Variants in PLXNA2 observed in about 807,000 individuals in gnomAD.
PLXNA2 encodes plexin A2, also known as plexin-A2.
A neutral mutation model predicts 193.5 loss-of-function variants in PLXNA2; 91 were observed. The observed-to-expected ratio is 0.47, with a 90% confidence interval of 0.40 to 0.56. The LOEUF (loss-of-function observed/expected upper bound fraction) is 0.56. Among genes scored for constraint, PLXNA2 ranks in the 20% least tolerant of loss-of-function variants. The pLI is 0.00. For missense variants in PLXNA2, 1,995 were observed against 2,503.2 expected, an observed-to-expected ratio of 0.80 and a Z score of 4.33; for synonymous variants, 997 against 1,027.3, an observed-to-expected ratio of 0.97 and a Z score of 0.56.
chr1:208,078,338 C>T (rs181744933), intron 12 of PLXNA2, among the ~76,000 whole-genome samples: 62 of 152,300 alleles, frequency 4.1e-4, no homozygotes, highest in South Asian at 1.0e-3. Context: ...ATCATAGAGA[C>T]GTTCTAGAAG....
In PLXNA2 at chr1:208,229,061, T is replaced by C. The variant is rs555530118; in HGVS notation, c.-80-11059A>G. Among the ~76,000 whole-genome samples, 8 of 152,330 alleles carry C rather than the reference T, an allele frequency of 5.3e-5. No individual in the cohort carries two copies. In the South Asian group the frequency reaches 6.2e-4, roughly 12 times the overall value. On this transcript the variant is annotated intron_variant, in intron 1 of 31. Coordinates refer to ENST00000367033, the MANE Select transcript of PLXNA2 (RefSeq NM_025179.4). ...TGAGGAGGAGGAGAAGATGCTGAGA[T>C]ACCAGCTCCTTAGGCTCAGCCCCGC...
intron 3 of PLXNA2, among the ~76,000 whole-genome samples, chr1:208,148,803 G>GA: frequency 6.6e-6 from 1 of 152,340 alleles, no homozygotes; most frequent in East Asian, 1.9e-4. Flanking sequence ...CACCTGGCCT[G>GA]AAGGAGGCCC....
chr1:208,103,102 G>A (rs1483694648), intron 5 of PLXNA2, 45 bp downstream of exon 5: 5 of 1,349,728 alleles, frequency 3.7e-6, no homozygotes, highest in East Asian at 4.6e-5. Context: ...GGAAAGCCCC[G>A]GTCTTCTGCA....
intron 4 of PLXNA2, among the ~76,000 whole-genome samples, chr1:208,104,354 G>C (rs1428976058): frequency 6.6e-6 from 1 of 152,216 alleles, no homozygotes; most frequent in Non-Finnish European, 1.5e-5. Flanking sequence ...TGGAGCTCTG[G>C]TGCTATGCAA....
intron 12 of PLXNA2, among the ~76,000 whole-genome samples, chr1:208,075,483 G>T (rs1415010431): frequency 6.6e-6 from 1 of 152,056 alleles, no homozygotes; most frequent in African/African-American, 2.4e-5. Context: ...TTCATCAATT[G>T]GTTTAGGTGA....
At chr1:208,205,067 G>C (rs1445463529) in intron 3 of PLXNA2, among the ~76,000 whole-genome samples, 1 of 152,134 alleles carries the variant, frequency 6.6e-6, no homozygotes, top group Non-Finnish European at 1.5e-5. Flanking sequence ...ATGGAAGGAA[G>C]AAACCAAAGG....
At chr1:208,193,492 C>T (rs568912870) in intron 3 of PLXNA2, among the ~76,000 whole-genome samples, 20 of 152,260 alleles carry the variant, frequency 1.3e-4, no homozygotes, top group African/African-American at 2.6e-4. Context: ...CCCATAATAT[C>T]GCAGCCCATG....
rs753311464 is a variant in PLXNA2 at position 208,060,805 on chromosome 1, C to G, written c.2619G>C (p.Gly873=). 3.7e-6 allele frequency: 6 copies of G among 1,614,094 alleles called. No individual in the cohort carries two copies. The highest frequency in any genetic ancestry group is 3.3e-5 in the Admixed American group (2 of 60,020). Residue 873 remains glycine, a synonymous_variant, in exon 13 of 32, where the codon GGG becomes GGC. Coordinates refer to ENST00000367033, the MANE Select transcript of PLXNA2 (RefSeq NM_025179.4). The stretch of plus-strand genomic sequence containing the variant: ...TCACGCCATGGATGGTCACTCGCGT[C>G]CCTCCTTCCGGCGGTCCAGACACCG... ...ILTVSGPPEG[G]TRVTIHGVNL... is the part of the protein sequence containing the mutation.
At chr1:208,158,173 T>C (rs552296319) in intron 3 of PLXNA2, among the ~76,000 whole-genome samples, 1 of 152,250 alleles carries the variant, frequency 6.6e-6, no homozygotes, top group African/African-American at 2.4e-5. Context: ...TAAATACTAG[T>C]CCACAGTGAG....
chr1:208,158,869 G>A (rs1370537177), intron 3 of PLXNA2, among the ~76,000 whole-genome samples: 2 of 152,214 alleles, frequency 1.3e-5, no homozygotes, highest in Non-Finnish European at 2.9e-5. Flanking sequence ...CAAATGGGTC[G>A]CTTTTCTTGG....
intron 3 of PLXNA2, among the ~76,000 whole-genome samples, chr1:208,201,477 A>AT (rs1211978481): frequency 3.9e-5 from 6 of 151,932 alleles, no homozygotes; most frequent in East Asian, 3.9e-4. Context: ...TCTTCTAAGT[A>AT]TTTTTTTCCC....
intron 4 of PLXNA2, among the ~76,000 whole-genome samples, chr1:208,138,114 G>A (rs893400855): frequency 2.0e-5 from 3 of 152,160 alleles, no homozygotes; most frequent in African/African-American, 7.2e-5. Flanking sequence ...TTAAATTGCT[G>A]TCTCAAAGTA....
chr1:208,062,929 T>C (rs1282791944), intron 12 of PLXNA2, among the ~76,000 whole-genome samples: 1 of 152,174 alleles, frequency 6.6e-6, no homozygotes. Flanking sequence ...AAAGAACCCT[T>C]GTTAATGAGA....
intron 23 of PLXNA2, 86 bp downstream of exon 23, chr1:208,039,906 G>C: frequency 6.3e-7 from 1 of 1,579,406 alleles, no homozygotes; most frequent in East Asian, 2.2e-5. Context: ...CGAGGGAGGG[G>C]GTCCCCATGC....
chr1:208,121,957 T>C (rs1361773181), intron 4 of PLXNA2, among the ~76,000 whole-genome samples: 8 of 152,074 alleles, frequency 5.3e-5, no homozygotes, highest in Admixed American at 5.2e-4. Context: ...TCCCACACAG[T>C]CATGGACAGG....
chr1:208,225,328 G>T (rs1671476123), intron 1 of PLXNA2, among the ~76,000 whole-genome samples: 1 of 152,042 alleles, frequency 6.6e-6, no homozygotes, highest in Admixed American at 6.6e-5. Flanking sequence ...TTTGAGACGG[G>T]GTCTCGCTCT....
chr1:208,109,289 C>A (rs1420065849), intron 4 of PLXNA2, among the ~76,000 whole-genome samples: 2 of 152,176 alleles, frequency 1.3e-5, no homozygotes, highest in Non-Finnish European at 2.9e-5. Flanking sequence ...TTTTTACCTT[C>A]TCTTGGTGGT....
chr1:208,159,094 A>C (rs1669025595), intron 3 of PLXNA2, among the ~76,000 whole-genome samples: 1 of 152,144 alleles, frequency 6.6e-6, no homozygotes, highest in South Asian at 2.1e-4. Context: ...TGACAACAAA[A>C]CCACCATGAC....
chr1:208,063,313 A>G (rs1409186814), intron 12 of PLXNA2, among the ~76,000 whole-genome samples: 1 of 152,168 alleles, frequency 6.6e-6, no homozygotes, highest in Admixed American at 6.5e-5. Context: ...CCTGCTGGTA[A>G]ATCACTGTAG....
Sources: allele counts gnomAD v4.1 joint callset (sites outside exome capture counted in the v4.1 genomes callset), GRCh38; gene constraint gnomAD v4.1.1; transcripts MANE v1.5; gene names NCBI Gene and HGNC (gene_info 2026-07-23, HGNC 2026-07-21).